Variants in ARHGAP24 observed in about 807,000 individuals in gnomAD.
The protein encoded by ARHGAP24 is Rho GTPase activating protein 24.
A neutral mutation model predicts 76.4 loss-of-function variants in ARHGAP24; 50 were observed. That is an observed-to-expected ratio of 0.65 (90% CI 0.52 to 0.83). The LOEUF (loss-of-function observed/expected upper bound fraction) is 0.83, where lower values mean the gene tolerates loss of function less well. Among genes scored for constraint, ARHGAP24 ranks in the 40% least tolerant of loss-of-function variants. ARHGAP24 has a pLI of 0.00. For missense variants in ARHGAP24, 930 were observed against 914.2 expected, an observed-to-expected ratio of 1.02 and a Z score of -0.22; for synonymous variants, 345 against 323.3, an observed-to-expected ratio of 1.07 and a Z score of -0.72.
chr4:85,528,936 G>A (rs1386532457), intron 1 of ARHGAP24, among the ~76,000 whole-genome samples: 1 of 152,020 alleles, frequency 6.6e-6, no homozygotes, highest in Non-Finnish European at 1.5e-5. Flanking sequence ...CTCTTGAGCT[G>A]ATCATATTTC....
intron 8 of ARHGAP24, among the ~76,000 whole-genome samples, chr4:85,983,842 T>C (rs1560765159): frequency 6.6e-6 from 1 of 152,206 alleles, no homozygotes; most frequent in Non-Finnish European, 1.5e-5. Flanking sequence ...AATAAGTTTC[T>C]CCTCTTTTCT....
chr4:85,719,228 T>C (rs1165373067), intron 2 of ARHGAP24, among the ~76,000 whole-genome samples: 2 of 152,150 alleles, frequency 1.3e-5, no homozygotes, highest in Non-Finnish European at 2.9e-5. Flanking sequence ...ATCTAGCAAT[T>C]TTTTAAAAAT....
chr4:85,517,290 T>C (rs1301423560), intron 1 of ARHGAP24, among the ~76,000 whole-genome samples: 1 of 152,174 alleles, frequency 6.6e-6, no homozygotes, highest in Admixed American at 6.6e-5. Context: ...CCCCTTTATT[T>C]TAAACAAATA....
chr4:85,512,330 A>G (rs1431768111), intron 1 of ARHGAP24, among the ~76,000 whole-genome samples: 1 of 152,254 alleles, frequency 6.6e-6, no homozygotes, highest in Non-Finnish European at 1.5e-5. Context: ...AAGTACAAGT[A>G]TAGATTAGCC....
chr4:85,639,129 T>G (rs1721429281), intron 2 of ARHGAP24, among the ~76,000 whole-genome samples: 1 of 152,162 alleles, frequency 6.6e-6, no homozygotes, highest in Non-Finnish European at 1.5e-5. Context: ...GTCCTAAGAT[T>G]GCCCAAAAGA....
At position 85,761,110 on chromosome 4, in the gene ARHGAP24, C is replaced by T. The variant is rs527364958; in HGVS notation, c.268+39138C>T. Among the ~76,000 whole-genome samples the T allele has an allele frequency of 5.3e-4, 80 of 152,248 alleles. No homozygotes were observed. The South Asian group carries it at 6.0e-3, about 11-fold the overall frequency. On this transcript the variant is annotated intron_variant, in intron 3 of 9. Coordinates refer to ENST00000395184, the MANE Select transcript of ARHGAP24 (RefSeq NM_001025616.3). ...TAGTCTGATTATTGCAGGAGGGAGA[C>T]GTTCTCAATCTTTTGTGGTGGTGCA...
chr4:85,877,548 C>T (rs1254638756), intron 3 of ARHGAP24, among the ~76,000 whole-genome samples: 1 of 151,888 alleles, frequency 6.6e-6, no homozygotes, highest in Admixed American at 6.6e-5. Context: ...TCTTTTGAGC[C>T]CAGGCGTTCA....
intron 1 of ARHGAP24, among the ~76,000 whole-genome samples, chr4:85,505,221 G>T (rs530368278): frequency 1.3e-5 from 2 of 152,170 alleles, no homozygotes; most frequent in Non-Finnish European, 1.5e-5. Flanking sequence ...TTCTCGAGGA[G>T]TATCTTTGTG....
In ARHGAP24 at chr4:85,721,797, C is replaced by A. The variant is rs1399472289; in HGVS notation, c.181-88C>A. 13 of 1,161,282 alleles carry A rather than the reference C, an allele frequency of 1.1e-5. No individual in the cohort carries two copies. The East Asian group carries it at 2.6e-4, about 24-fold the overall frequency. 71.9% of individuals were successfully genotyped at this position (1,161,282 alleles called of 1,614,324 possible). Reference sequence around the variant, plus strand: ...CATCTTACTGTATACTGGGTTATAGCTACACCTTGGATATTCACTGATTAT... The same window carrying A: ...CATCTTACTGTATACTGGGTTATAGATACACCTTGGATATTCACTGATTAT... On this transcript the variant is annotated intron_variant, in intron 2 of 9. Coordinates refer to ENST00000395184, the MANE Select transcript of ARHGAP24 (RefSeq NM_001025616.3).
chr4:85,507,328 C>T (rs980512968), intron 1 of ARHGAP24, among the ~76,000 whole-genome samples: 1 of 152,078 alleles, frequency 6.6e-6, no homozygotes, highest in Non-Finnish European at 1.5e-5. Context: ...CACAAGTGAT[C>T]CTCCTGCCTC....
chr4:85,549,246 G>A (rs1726034058), intron 1 of ARHGAP24, among the ~76,000 whole-genome samples: 1 of 48,330 alleles, frequency 2.1e-5, no homozygotes, highest in East Asian at 2.6e-4. Context: ...TTGTTAAAGT[G>A]GTTGCACCAT....
chr4:85,591,188 G>A (rs62315650), intron 2 of ARHGAP24, among the ~76,000 whole-genome samples: 7,451 of 151,886 alleles, frequency 0.049, 283 homozygotes, highest in Middle Eastern at 0.093. Context: ...GGGACTACAG[G>A]CATGGCGCCA....
intron 1 of ARHGAP24, among the ~76,000 whole-genome samples, chr4:85,482,945 C>A (rs567101731): frequency 6.6e-6 from 1 of 152,304 alleles, no homozygotes; most frequent in East Asian, 1.9e-4. Flanking sequence ...TGGAATTAGA[C>A]CTACATTCTA....
intron 3 of ARHGAP24, among the ~76,000 whole-genome samples, chr4:85,863,648 C>T (rs977471232): frequency 2.6e-5 from 4 of 151,982 alleles, no homozygotes; most frequent in African/African-American, 9.7e-5. Context: ...TTCCCAATAC[C>T]TAGAAAAGTA....
At chr4:85,530,317 C>A (rs928120334) in intron 1 of ARHGAP24, among the ~76,000 whole-genome samples, 2 of 151,958 alleles carry the variant, frequency 1.3e-5, no homozygotes, top group African/African-American at 4.8e-5. Context: ...TTCATCCACA[C>A]AGAGTGGCAC....
At chr4:85,744,465 A>G (rs1184579203) in intron 3 of ARHGAP24, among the ~76,000 whole-genome samples, 1 of 152,226 alleles carries the variant, frequency 6.6e-6, no homozygotes, top group African/African-American at 2.4e-5. Flanking sequence ...AATTTCTTAA[A>G]TGAGAGCAAA....
chr4:85,810,898 G>A (rs1012721114), intron 3 of ARHGAP24, among the ~76,000 whole-genome samples: 1 of 152,098 alleles, frequency 6.6e-6, no homozygotes, highest in Non-Finnish European at 1.5e-5. Context: ...AAAGCAACAT[G>A]TCCATTAATC....
chr4:85,760,731 G>A (rs1422380201), intron 3 of ARHGAP24, among the ~76,000 whole-genome samples: 4 of 152,070 alleles, frequency 2.6e-5, no homozygotes, highest in Non-Finnish European at 4.4e-5. Context: ...CAGAAGGCCC[G>A]GAGCCAAAAG....
At chr4:85,515,065 G>A (rs1724442995) in intron 1 of ARHGAP24, among the ~76,000 whole-genome samples, 1 of 152,014 alleles carries the variant, frequency 6.6e-6, no homozygotes. Flanking sequence ...AGAGTACGTA[G>A]AATATTCTTC....
Sources: gnomAD v4.1 joint callset for allele counts (sites outside exome capture counted in the v4.1 genomes callset) on GRCh38, gnomAD v4.1.1 for gene constraint, MANE v1.5 for transcripts, NCBI Gene and HGNC (gene_info 2026-07-23, HGNC 2026-07-21) for gene names.